The following PIK3R3 variants were observed in gnomAD, a reference collection of about 807,000 sequenced individuals.
The protein encoded by PIK3R3 is phosphoinositide-3-kinase regulatory subunit 3.
PIK3R3 carries 64 observed loss-of-function variants against 62.9 expected under a neutral mutation model. The ratio of observed to expected loss-of-function variants is 1.02; its 90% CI spans 0.83 to 1.25. The LOEUF is 1.25. Ranked by LOEUF, PIK3R3 falls within the 50% of genes most tolerant of loss-of-function variation. The pLI is 0.00. For synonymous variants in PIK3R3, 165 were observed against 189.0 expected, an observed-to-expected ratio of 0.87 and a Z score of 1.04; for missense variants, 614 against 561.6, an observed-to-expected ratio of 1.09 and a Z score of -0.94.
intron 3 of PIK3R3, among the ~76,000 whole-genome samples, chr1:46,074,499 T>A (rs141779012): frequency 6.6e-6 from 1 of 152,150 alleles, no homozygotes; most frequent in East Asian, 1.9e-4. Flanking sequence ...GTACCTCATC[T>A]TTAGGGGCTG....
At chr1:46,045,284 C>CT (rs915828846) in intron 9 of PIK3R3, among the ~76,000 whole-genome samples, 22 of 152,174 alleles carry the variant, frequency 1.4e-4, no homozygotes, top group Non-Finnish European at 1.5e-5. Flanking sequence ...CATCATAACT[C>CT]TTTTCTAAGT....
At chr1:46,161,226 G>C in the PIK3R3 span, among the ~76,000 whole-genome samples, 1 of 150,898 alleles carries the variant, frequency 6.6e-6, no homozygotes, top group Admixed American at 6.6e-5. Context: ...TCCCTTAGTA[G>C]CTGGGACTGC....
chr1:46,124,277 G>C (rs1179533627), intron 1 of PIK3R3, among the ~76,000 whole-genome samples: 1 of 152,198 alleles, frequency 6.6e-6, no homozygotes, highest in East Asian at 1.9e-4. Context: ...GATGCACAGA[G>C]AGGTTTTCTC....
upstream of PIK3R3, among the ~76,000 whole-genome samples, chr1:46,135,501 C>G (rs1202268939): frequency 6.6e-6 from 1 of 152,168 alleles, no homozygotes; most frequent in African/African-American, 2.4e-5. Flanking sequence ...TTTTCTGTAA[C>G]TCCAAATGGC....
At chr1:46,160,635 C>G in the PIK3R3 span, among the ~76,000 whole-genome samples, 1 of 152,254 alleles carries the variant, frequency 6.6e-6, no homozygotes, top group Non-Finnish European at 1.5e-5. Flanking sequence ...AGATGACCAA[C>G]AGCCATCTCC....
intron 2 of PIK3R3, 92 bp downstream of exon 2, chr1:46,080,550 C>G (rs1428557331): frequency 6.0e-6 from 5 of 836,118 alleles, no homozygotes; most frequent in Non-Finnish European, 1.0e-5. Context: ...CATGAGCCAC[C>G]ATGCCCAGCT....
Position 46,086,593 on chromosome 1 carries a change from G to A in PIK3R3, c.107-5843C>T, listed in dbSNP as rs192798774. Among the ~76,000 whole-genome samples the A allele has an allele frequency of 9.9e-5, 15 of 152,194 alleles. No homozygotes were observed. The East Asian group carries it at 2.5e-3, about 25-fold the overall frequency. On this transcript the variant is annotated intron_variant, in intron 1 of 9. Coordinates refer to ENST00000262741, the MANE Select transcript of PIK3R3 (RefSeq NM_003629.4). ...CAAGCACCTGTAATCCCAGCTACTC[G>A]GAAGGCTGAGGCAGGAGACTCGCTT...
In PIK3R3 at chr1:46,129,380, A is replaced by G. The variant is rs187572554; in HGVS notation, c.106+2467T>C. Among the ~76,000 whole-genome samples, 10 of 152,092 alleles carry G rather than the reference A, an allele frequency of 6.6e-5. No homozygotes were observed. In the East Asian group the frequency reaches 1.9e-3, roughly 29 times the overall value. On this transcript the variant is annotated intron_variant, in intron 1 of 9. Coordinates refer to ENST00000262741, the MANE Select transcript of PIK3R3 (RefSeq NM_003629.4). ...AGCAAAAATTAGAGGGACTTATATG[A>G]GAGGGTAAGCAATTGGGGGATTTTA...
At chr1:46,123,620 A>G (rs1654856371) in intron 1 of PIK3R3, among the ~76,000 whole-genome samples, 1 of 152,222 alleles carries the variant, frequency 6.6e-6, no homozygotes, top group Admixed American at 6.5e-5. Flanking sequence ...GGTAGAAGAA[A>G]TCGGAAACAG....
intron 7 of PIK3R3, among the ~76,000 whole-genome samples, chr1:46,049,977 C>G (rs1381573361): frequency 6.6e-6 from 1 of 151,570 alleles, no homozygotes; most frequent in Non-Finnish European, 1.5e-5. Flanking sequence ...AAAAATTAGC[C>G]AGGCATGGTG....
At position 46,041,949 on chromosome 1, in the gene PIK3R3, T is replaced by G. The variant is rs1647004952; in HGVS notation, c.*1724A>C. On this transcript the variant is annotated 3_prime_UTR_variant, in exon 10 of 10. Coordinates refer to ENST00000262741, the MANE Select transcript of PIK3R3 (RefSeq NM_003629.4). ...TAGACCCTGTCATGGAAATAAGTGC[T>G]CAGGTAAACTAATATTTTTCTTTCA... 4.6e-6 allele frequency: 1 copy of G among 218,792 alleles called. No homozygotes were observed. Among genetic ancestry groups the G allele is most frequent in the Admixed American group, 5.8e-5 (1 of 17,258 alleles). The allele number at this position is 218,792 out of a possible 1,614,324, so 13.6% of individuals were successfully genotyped here.
At chr1:46,135,660 C>T (rs1655902710), upstream of PIK3R3, among the ~76,000 whole-genome samples, 1 of 152,116 alleles carries the variant, frequency 6.6e-6, no homozygotes, top group Non-Finnish European at 1.5e-5. Context: ...TCTGTGCCAG[C>T]AGAATCAGTC....
upstream of PIK3R3, among the ~76,000 whole-genome samples, chr1:46,133,811 A>T (rs1332372434): frequency 3.3e-5 from 3 of 90,306 alleles, no homozygotes; most frequent in African/African-American, 6.5e-5. Context: ...CAAACCAATT[A>T]AAAAAAAAAA....
At chr1:46,082,024 G>C (rs1300600705) in intron 1 of PIK3R3, among the ~76,000 whole-genome samples, 1 of 150,560 alleles carries the variant, frequency 6.6e-6, no homozygotes, top group Non-Finnish European at 1.5e-5. Context: ...ATAAATAAAA[G>C]AAACAAAGAT....
At chr1:46,131,150 C>G (rs970166095) in intron 1 of PIK3R3, among the ~76,000 whole-genome samples, 3 of 152,132 alleles carry the variant, frequency 2.0e-5, no homozygotes, top group African/African-American at 7.2e-5. Flanking sequence ...TTACATTAAA[C>G]CCTATCCCAT....
chr1:46,046,074 T>C lies in PIK3R3; in HGVS notation c.1031A>G (p.Asn344Ser), dbSNP rs150974432. ...ATGGGGCAGGTTTTCATCTTCCTCA[T>C]TGATAAAATAGTTCCTAAAAATTAA... is the stretch of plus-strand genomic sequence containing the variant. ...NEDADENYFINEEDENLPHYD... is the reference protein window; with the variant it reads ...NEDADENYFISEEDENLPHYD... The change falls in exon 9 of 10, where the codon AAT becomes AGT. Residue 344 changes from asparagine (N) to serine (S), a missense_variant. By Grantham distance (46) the Asn-to-Ser change is conservative. Coordinates refer to ENST00000262741, the MANE Select transcript of PIK3R3 (RefSeq NM_003629.4). 1.1e-3 allele frequency: 1,685 copies of C among 1,593,488 alleles called. 4 individuals are homozygous for C. Among genetic ancestry groups the C allele is most frequent in the Non-Finnish European group, 1.4e-3 (1,581 of 1,165,048 alleles).
chr1:46,045,950 A>C lies in PIK3R3; in HGVS notation c.1155T>G (p.Ser385Arg). The C allele has an allele frequency of 6.2e-7, 1 of 1,613,584 alleles. No individual in the cohort carries two copies. Among genetic ancestry groups the C allele is most frequent in the Non-Finnish European group, 8.5e-7 (1 of 1,179,798 alleles). ...KPDGAFLIRESSKKGCYACSV... is the reference protein window; with the variant it reads ...KPDGAFLIRERSKKGCYACSV... ...AGCAAGCATAGCATCCTTTCTTGCTACTCTCACGAATTAAGAATGCACCAT... is the reference window on the plus strand; with the variant it reads ...AGCAAGCATAGCATCCTTTCTTGCTCCTCTCACGAATTAAGAATGCACCAT... The change falls in exon 9 of 10, where the codon AGT becomes AGG. Residue 385 changes from serine (S) to arginine (R), a missense_variant. Ser to Arg is a moderately radical substitution (Grantham distance 110, BLOSUM62 -1). Transcript: ENST00000262741.
chr1:46,109,215 C>G (rs1240272045), intron 1 of PIK3R3, among the ~76,000 whole-genome samples: 2 of 151,882 alleles, frequency 1.3e-5, no homozygotes, highest in African/African-American at 4.8e-5. Context: ...CTCTAACTAC[C>G]TCTTACTTTT....
intron 1 of PIK3R3, among the ~76,000 whole-genome samples, chr1:46,111,642 C>T (rs1653752228): frequency 6.6e-6 from 1 of 152,010 alleles, no homozygotes; most frequent in Admixed American, 6.6e-5. Flanking sequence ...ATGAGAATTG[C>T]TTGAACCCAG....
Sources: allele counts gnomAD v4.1 joint callset (sites outside exome capture counted in the v4.1 genomes callset), GRCh38; gene constraint gnomAD v4.1.1; transcripts MANE v1.5; gene names NCBI Gene and HGNC (gene_info 2026-07-23, HGNC 2026-07-21).